Variants in STPG2 observed in about 807,000 individuals in gnomAD.
STPG2 encodes sperm-tail PG-rich repeat-containing protein 2.
Under a neutral mutation model 54.2 loss-of-function variants are expected in STPG2, and 56 were observed. The observed-to-expected ratio is 1.03, with a 90% CI of 0.83 to 1.29. STPG2 has a LOEUF of 1.29. STPG2 is among the 50% of genes most tolerant of loss of function. The pLI is 0.00. For synonymous variants in STPG2, 200 were observed against 181.8 expected (o/e 1.10, Z -0.81); for missense variants, 596 against 544.9 (o/e 1.09, Z -0.93).
intron 5 of STPG2, among the ~76,000 whole-genome samples, chr4:98,100,225 C>T (rs1738986041): frequency 6.6e-6 from 1 of 152,048 alleles, no homozygotes; most frequent in Non-Finnish European, 1.5e-5. Flanking sequence ...GTAATTAATT[C>T]ATTCAGAAAG....
intron 8 of STPG2, among the ~76,000 whole-genome samples, chr4:97,868,512 C>T (rs1317196686): frequency 6.6e-6 from 1 of 151,812 alleles, no homozygotes; most frequent in East Asian, 1.9e-4. Flanking sequence ...GGCATAGGCC[C>T]ACGGTTATAA....
chr4:97,827,467 C>A (rs1728298310), intron 9 of STPG2, among the ~76,000 whole-genome samples: 1 of 151,984 alleles, frequency 6.6e-6, no homozygotes, highest in African/African-American at 2.4e-5. Context: ...AATCTCCTGA[C>A]CTCGTGATCC....
chr4:97,457,147 C>A (rs751382614), intron 4 of STPG2, among the ~76,000 whole-genome samples: 1 of 152,110 alleles, frequency 6.6e-6, no homozygotes, highest in Non-Finnish European at 1.5e-5. Flanking sequence ...TTATTCCTTG[C>A]TGGTGGGAAT....
intron 5 of STPG2, among the ~76,000 whole-genome samples, chr4:98,009,427 C>T (rs1044419378): frequency 6.6e-6 from 1 of 151,878 alleles, no homozygotes; most frequent in African/African-American, 2.4e-5. Context: ...ACTTTCATAT[C>T]ATTATGATTC....
intron 9 of STPG2, among the ~76,000 whole-genome samples, chr4:97,723,393 C>G (rs182862887): frequency 6.6e-6 from 1 of 151,954 alleles, no homozygotes; most frequent in African/African-American, 2.4e-5. Flanking sequence ...ATTGGGATGA[C>G]GGATTCAATG....
intron 7 of STPG2, among the ~76,000 whole-genome samples, chr4:97,965,701 C>T (rs537192399): frequency 2.0e-4 from 31 of 152,280 alleles, no homozygotes; most frequent in South Asian, 8.3e-4. Context: ...CTGCAGTCTC[C>T]GCTGGTGATA....
At chr4:97,669,153 T>G (rs891301510) in intron 10 of STPG2, among the ~76,000 whole-genome samples, 2 of 152,162 alleles carry the variant, frequency 1.3e-5, no homozygotes, top group Non-Finnish European at 2.9e-5. Flanking sequence ...TTTCAAACAT[T>G]CTGATGGCTG....
At chr4:97,592,089 C>T (rs533092526) in intron 10 of STPG2, among the ~76,000 whole-genome samples, 58 of 152,050 alleles carry the variant, frequency 3.8e-4, no homozygotes, top group African/African-American at 1.4e-3. Context: ...TGAGAAGAAA[C>T]AGTAATTGGA....
At chr4:97,588,343 T>C (rs1043058801) in intron 10 of STPG2, among the ~76,000 whole-genome samples, 3 of 152,100 alleles carry the variant, frequency 2.0e-5, no homozygotes, top group African/African-American at 4.8e-5. Context: ...AGCTTATTTA[T>C]ATTACACAAG....
At chr4:97,538,462 T>A (rs945202777) in intron 4 of STPG2, among the ~76,000 whole-genome samples, 3 of 152,042 alleles carry the variant, frequency 2.0e-5, no homozygotes, top group Non-Finnish European at 4.4e-5. Context: ...ATCAAATGAA[T>A]GAAATGAAGC....
chr4:97,978,745 T>C (rs1734574488), intron 6 of STPG2, among the ~76,000 whole-genome samples: 1 of 152,184 alleles, frequency 6.6e-6, no homozygotes, highest in Non-Finnish European at 1.5e-5. Context: ...TAGAATTTCC[T>C]AGATTTGAAA....
chr4:97,538,421 C>G (rs1290071002), intron 4 of STPG2, among the ~76,000 whole-genome samples: 1 of 152,140 alleles, frequency 6.6e-6, no homozygotes, highest in East Asian at 1.9e-4. Flanking sequence ...CCAATTCGAA[C>G]AACTGGAAGA....
intron 10 of STPG2, among the ~76,000 whole-genome samples, chr4:97,674,691 AT>A (rs1339221202): frequency 6.6e-6 from 1 of 152,238 alleles, no homozygotes; most frequent in African/African-American, 2.4e-5. Context: ...AAAGCACTGC[AT>A]TGCTATTGAT....
At chr4:97,571,181 A>G (rs189007457) in intron 10 of STPG2, among the ~76,000 whole-genome samples, 1 of 152,296 alleles carries the variant, frequency 6.6e-6, no homozygotes, top group Admixed American at 6.5e-5. Context: ...TAAAAGTTTG[A>G]CATTATAGCA....
chr4:97,736,884 C>T (rs1473134672), intron 9 of STPG2, among the ~76,000 whole-genome samples: 1 of 152,188 alleles, frequency 6.6e-6, no homozygotes, highest in Non-Finnish European at 1.5e-5. Flanking sequence ...AGATGGAGAT[C>T]TGAGAATGGG....
At chr4:98,063,823 T>G (rs759039525) in intron 5 of STPG2, among the ~76,000 whole-genome samples, 1 of 152,036 alleles carries the variant, frequency 6.6e-6, no homozygotes, top group Admixed American at 6.6e-5. Flanking sequence ...GAGGATCTCT[T>G]GAGTCCAGGA....
intron 8 of STPG2, among the ~76,000 whole-genome samples, chr4:97,903,659 G>A (rs1329101582): frequency 6.6e-6 from 1 of 152,190 alleles, no homozygotes; most frequent in Non-Finnish European, 1.5e-5. Flanking sequence ...GCAGAAGACT[G>A]GTGATTTCTG....
At chr4:97,941,966 A>G (rs1372149945) in intron 8 of STPG2, among the ~76,000 whole-genome samples, 2 of 151,918 alleles carry the variant, frequency 1.3e-5, no homozygotes, top group African/African-American at 4.8e-5. Flanking sequence ...AGAGAACACT[A>G]AAAAGAAGTT....
intron 7 of STPG2, among the ~76,000 whole-genome samples, chr4:97,964,389 A>G (rs986336195): frequency 3.3e-5 from 5 of 152,184 alleles, no homozygotes; most frequent in African/African-American, 9.7e-5. Context: ...AAAAGGATGT[A>G]CAATCATCCT....
Sources: allele counts gnomAD v4.1 joint callset (sites outside exome capture counted in the v4.1 genomes callset), GRCh38; gene constraint gnomAD v4.1.1; transcripts MANE v1.5; gene names NCBI Gene and HGNC (gene_info 2026-07-23, HGNC 2026-07-21).